SETD5: variants seen among roughly 807,000 people sequenced by gnomAD.
The protein encoded by SETD5 is SET domain containing 5.
SETD5 carries 44 observed loss-of-function variants against 153.3 expected under a neutral mutation model. The ratio of observed to expected loss-of-function variants is 0.29; its 90% CI spans 0.23 to 0.37. The LOEUF (loss-of-function observed/expected upper bound fraction) is 0.37. SETD5 is among the 10% of genes least tolerant of loss of function. SETD5 has a pLI of 1.00. For synonymous variants in SETD5, 716 were observed against 645.2 expected, an observed-to-expected ratio of 1.11 and a Z score of -1.66; for missense variants, 1,544 against 1,768.0, an observed-to-expected ratio of 0.87 and a Z score of 2.27.
chr3:9,401,096 G>T (rs1231926876), intron 1 of SETD5, among the ~76,000 whole-genome samples: 1 of 152,208 alleles, frequency 6.6e-6, no homozygotes, highest in Admixed American at 6.5e-5. Flanking sequence ...GAACCAAAAA[G>T]AATGGAAATG....
chr3:9,420,449 C>A (rs1302681474), intron 1 of SETD5, among the ~76,000 whole-genome samples: 1 of 151,868 alleles, frequency 6.6e-6, no homozygotes, highest in Non-Finnish European at 1.5e-5. Flanking sequence ...ACTTAGATTT[C>A]TTATAGACAT....
Position 9,440,706 on chromosome 3 carries a change from C to G in SETD5, c.810+8C>G. 6.2e-7 allele frequency: 1 copy of G among 1,611,222 alleles called. No individual in the cohort carries two copies. The highest frequency in any genetic ancestry group is 8.5e-7 in the Non-Finnish European group (1 of 1,178,704). The stretch of plus-strand genomic sequence containing the variant: ...ATTGGTTCCCAAATGCAGGTAAGCA[C>G]CAAAGGGTTGAGGACTCTCTAAGTA... On this transcript the variant is annotated splice_region_variant and intron_variant, in intron 8 of 22. Coordinates refer to ENST00000402198, the MANE Select transcript of SETD5 (RefSeq NM_001080517.3).
rs781658096 is a variant in SETD5 at position 9,447,122 on chromosome 3, G to A, written c.1597G>A (p.Asp533Asn). The change falls in exon 14 of 23, where the codon GAT becomes AAT. Residue 533 changes from aspartate to asparagine, a missense_variant. This residue lies in a region of SETD5 where 782 missense variants were observed against 787.2 expected (regional missense o/e 0.99). Coordinates refer to ENST00000402198, the MANE Select transcript of SETD5 (RefSeq NM_001080517.3). ...CTTAGAGAAAAGAAAGAAGCGGCGG[G>A]ATCAGCCCTTGGAACAGAGCAACTC... is the stretch of plus-strand genomic sequence containing the variant. ...ENLEKRKKRR[D>N]QPLEQSNSDV... 6 of 1,613,966 alleles carry A rather than the reference G, an allele frequency of 3.7e-6. No homozygotes were observed. The South Asian group carries it at 4.4e-5, about 12-fold the overall frequency.
intron 17 of SETD5, among the ~76,000 whole-genome samples, chr3:9,459,886 A>G (rs1325813227): frequency 1.3e-5 from 2 of 152,184 alleles, no homozygotes; most frequent in East Asian, 1.9e-4. Context: ...TAATGATAAA[A>G]TAACATACTA....
At chr3:9,437,753 A>G (rs961052277) in intron 7 of SETD5, among the ~76,000 whole-genome samples, 2 of 152,168 alleles carry the variant, frequency 1.3e-5, no homozygotes, top group Admixed American at 6.5e-5. Context: ...CTGTAATCCT[A>G]GCACTTTGGA....
intron 17 of SETD5, among the ~76,000 whole-genome samples, chr3:9,457,601 A>G (rs2043418675): frequency 6.6e-6 from 1 of 151,072 alleles, no homozygotes; most frequent in East Asian, 1.9e-4. Context: ...ATATACCAAG[A>G]AAGTAAATGA....
Position 9,418,936 on chromosome 3 carries a change from C to T in SETD5, c.-176-5531C>T, listed in dbSNP as rs192576860. On this transcript the variant is annotated intron_variant, in intron 1 of 22. Transcript: ENST00000402198. Reference sequence around the variant, plus strand: ...CCACCTCCTGGATTCAAGCGATTCTCCTGCCTCAGCCTCCCAAGTAGCTGG... The same window carrying T: ...CCACCTCCTGGATTCAAGCGATTCTTCTGCCTCAGCCTCCCAAGTAGCTGG... Among the ~76,000 whole-genome samples, 436 of 152,222 alleles carry T rather than the reference C, an allele frequency of 2.9e-3. 3 individuals are homozygous for T. The highest frequency in any genetic ancestry group is 5.1e-3 in the Non-Finnish European group (349 of 68,000).
intron 19 of SETD5, among the ~76,000 whole-genome samples, chr3:9,471,252 C>T (rs1365336641): frequency 6.6e-6 from 1 of 152,194 alleles, no homozygotes; most frequent in East Asian, 1.9e-4. Flanking sequence ...TTTATCCTCA[C>T]AGTAAGCCTA....
chr3:9,452,242 A>G lies in SETD5; in HGVS notation c.2347-1497A>G, dbSNP rs560093325. On this transcript the variant is annotated intron_variant, in intron 16 of 22. Transcript: ENST00000402198. Reference sequence around the variant, plus strand: ...GGAAATATTAAAAAATTACTCAGATAGGAAAGCTTAGTGACCCCAAATGAG... The same window carrying G: ...GGAAATATTAAAAAATTACTCAGATGGGAAAGCTTAGTGACCCCAAATGAG... Among the ~76,000 whole-genome samples, 5 of 152,350 alleles carry G rather than the reference A, an allele frequency of 3.3e-5. No individual in the cohort carries two copies. The South Asian group carries it at 8.3e-4, about 25-fold the overall frequency.
At chr3:9,441,253 A>G (rs569132747) in intron 8 of SETD5, among the ~76,000 whole-genome samples, 19 of 152,228 alleles carry the variant, frequency 1.2e-4, no homozygotes, top group Non-Finnish European at 2.1e-4. Context: ...GGGAAATTCT[A>G]TATACCCTAG....
At chr3:9,457,121 G>T (rs540013979) in intron 17 of SETD5, among the ~76,000 whole-genome samples, 34 of 152,344 alleles carry the variant, frequency 2.2e-4, no homozygotes, top group African/African-American at 8.2e-4. Context: ...GGGGCATGAT[G>T]TTCATTATTT....
intron 17 of SETD5, among the ~76,000 whole-genome samples, chr3:9,459,855 A>G (rs2043738427): frequency 6.6e-6 from 1 of 152,166 alleles, no homozygotes; most frequent in Non-Finnish European, 1.5e-5. Flanking sequence ...AGAAGTCATA[A>G]CACAGTGACT....
At position 9,470,552 on chromosome 3, in the gene SETD5, G is replaced by C. The variant is rs374753079; in HGVS notation, c.2818G>C (p.Gly940Arg). Residue 940 changes from glycine to arginine, a missense_variant, in exon 19 of 23, where the codon GGT becomes CGT. By Grantham distance (125) the Gly-to-Arg change is moderately radical. Coordinates refer to ENST00000402198, the MANE Select transcript of SETD5 (RefSeq NM_001080517.3). The part of the protein sequence containing the change: ...CADRPSLLNS[G>R]HSDLAPHPSL... The stretch of plus-strand genomic sequence containing the variant: ...TGATAGACCTTCCCTACTCAACTCA[G>C]GTCATTCTGACCTGGCTCCTCATCC... 17 of 1,613,904 alleles carry C rather than the reference G, an allele frequency of 1.1e-5. No homozygotes were observed. Among genetic ancestry groups the C allele is most frequent in the Non-Finnish European group, 1.4e-5 (16 of 1,179,882 alleles).
chr3:9,410,504 G>A (rs555054930), intron 1 of SETD5, among the ~76,000 whole-genome samples: 114 of 152,152 alleles, frequency 7.5e-4, no homozygotes, highest in African/African-American at 2.6e-3. Flanking sequence ...CAGGGATTAG[G>A]TTTTGTTTTA....
At chr3:9,469,196 A>G (rs917785721) in intron 18 of SETD5, among the ~76,000 whole-genome samples, 1 of 152,210 alleles carries the variant, frequency 6.6e-6, no homozygotes, top group African/African-American at 2.4e-5. Flanking sequence ...CCATTCTGCA[A>G]TGGTTAGGAT....
chr3:9,421,778 A>G (rs2728934), intron 1 of SETD5, among the ~76,000 whole-genome samples: 88,198 of 151,960 alleles, frequency 0.58, 29,774 homozygotes, highest in South Asian at 0.78. Flanking sequence ...AAATTTATTC[A>G]TTTATTGACC....
intron 18 of SETD5, among the ~76,000 whole-genome samples, chr3:9,468,897 A>T (rs1264046020): frequency 6.6e-6 from 1 of 152,096 alleles, no homozygotes; most frequent in Admixed American, 6.5e-5. Flanking sequence ...CTAGAAGTCA[A>T]GATGCTGATA....
At chr3:9,461,405 A>G (rs1038522818) in intron 17 of SETD5, among the ~76,000 whole-genome samples, 1 of 152,186 alleles carries the variant, frequency 6.6e-6, no homozygotes, top group Non-Finnish European at 1.5e-5. Flanking sequence ...TCAGTGAAGC[A>G]ATGTCTCGAT....
At chr3:9,469,030 T>C (rs1278042353) in intron 18 of SETD5, among the ~76,000 whole-genome samples, 2 of 152,186 alleles carry the variant, frequency 1.3e-5, no homozygotes, top group African/African-American at 2.4e-5. Flanking sequence ...CTAACAGCTC[T>C]GTAAACCAGA....
Sources: allele counts gnomAD v4.1 joint callset (sites outside exome capture counted in the v4.1 genomes callset), GRCh38; gene constraint gnomAD v4.1.1; regional missense constraint gnomAD v4.1.1; transcripts MANE v1.5; gene names NCBI Gene and HGNC (gene_info 2026-07-23, HGNC 2026-07-21).